PRPSAP1: variants seen among roughly 807,000 people sequenced by gnomAD.
PRPSAP1 encodes the protein phosphoribosyl pyrophosphate synthetase associated protein 1.
In PRPSAP1, 31 loss-of-function variants were observed where a neutral mutation model predicts 39.4. The observed-to-expected ratio is 0.79, with a 90% CI of 0.59 to 1.06. The LOEUF is 1.06. PRPSAP1 is among the 50% of genes least tolerant of loss of function. The probability of loss-of-function intolerance (pLI) is 0.00; values close to 1 mark genes in which losing one functional copy is unlikely to be tolerated. For missense variants in PRPSAP1, 430 were observed against 511.6 expected (o/e 0.84, Z 1.54); for synonymous variants, 212 against 192.6 (o/e 1.10, Z -0.83).
At chr17:76,339,213 TG>T (rs1014503102) in intron 3 of PRPSAP1, among the ~76,000 whole-genome samples, 1 of 151,662 alleles carries the variant, frequency 6.6e-6, no homozygotes, top group African/African-American at 2.4e-5. Context: ...GAGACCATTC[TG>T]GTCAACACTG....
At chr17:76,316,189 A>G (rs931706097) in intron 7 of PRPSAP1, among the ~76,000 whole-genome samples, 45 of 146,514 alleles carry the variant, frequency 3.1e-4, no homozygotes, top group Non-Finnish European at 1.2e-4. Context: ...AAAAAAAAAA[A>G]AAGAAAAAAA....
chr17:76,345,416 G>A (rs1044717761), intron 2 of PRPSAP1, among the ~76,000 whole-genome samples: 22 of 151,708 alleles, frequency 1.5e-4, no homozygotes, highest in Non-Finnish European at 2.2e-4. Flanking sequence ...GCAGTGAGCC[G>A]TGATCGCGCC....
rs1209408761 is a variant in PRPSAP1, at chr17:76,330,650, G to A, written c.480C>T (p.Ile160=). Residue 160 remains isoleucine, a synonymous_variant, in exon 5 of 10, where the codon ATC becomes ATT. Transcript: ENST00000446526. ...TTTCCTTTTGATGAAGATCCATAGT[G>A]ATAATGTGAGTTAAACCTGAAATTT... ...MLAKAGLTHI[I]TMDLHQKEIQ... is the part of the protein sequence containing the mutation. 2 of 1,609,296 alleles carry A rather than the reference G, an allele frequency of 1.2e-6. No individual in the cohort carries two copies. Among genetic ancestry groups the A allele is most frequent in the East Asian group, 4.5e-5 (2 of 44,770 alleles).
chr17:76,321,511 T>TCA lies in PRPSAP1; in HGVS notation c.781+7204_781+7205dup, dbSNP rs149355754. Among the ~76,000 whole-genome samples, 198 of 150,628 alleles carry TCA rather than the reference T, an allele frequency of 1.3e-3. 1 individual carries two copies. The highest frequency in any genetic ancestry group is 6.9e-3 in the Middle Eastern group (2 of 288). On this transcript the variant is annotated intron_variant, in intron 7 of 9. Coordinates refer to ENST00000446526, the MANE Select transcript of PRPSAP1 (RefSeq NM_002766.3). ...AGCCGAGAGCCAGAGTGAAACTCTGTCACACACACACACACGCACAAAAAA... is the reference window on the plus strand; with the variant it reads ...AGCCGAGAGCCAGAGTGAAACTCTGTCACACACACACACACACGCACAAAAAA...
chr17:76,352,417 G>A (rs1479939879), intron 1 of PRPSAP1, among the ~76,000 whole-genome samples: 9 of 151,966 alleles, frequency 5.9e-5, no homozygotes, highest in Non-Finnish European at 1.2e-4. Flanking sequence ...AGGCCGAGGC[G>A]GGCGGATCAC....
intron 7 of PRPSAP1, among the ~76,000 whole-genome samples, chr17:76,315,551 T>C (rs1217261264): frequency 6.6e-6 from 1 of 151,958 alleles, no homozygotes; most frequent in Non-Finnish European, 1.5e-5. Context: ...AGACAACTTC[T>C]TGAATTTGGG....
Position 76,310,687 on chromosome 17 carries a change from T to G in PRPSAP1, c.*855A>C, listed in dbSNP as rs1439460451. ...TTTCGCCATGTTTCCCAGGCTGGTCTGAAACTCCTGGGCTCAAGCAATCCT... is the reference window on the plus strand; with the variant it reads ...TTTCGCCATGTTTCCCAGGCTGGTCGGAAACTCCTGGGCTCAAGCAATCCT... On this transcript the variant is annotated 3_prime_UTR_variant, in exon 10 of 10. Transcript: ENST00000446526. The G allele has an allele frequency of 6.6e-6, 1 of 151,994 alleles. No homozygotes were observed. Among genetic ancestry groups the G allele is most frequent in the African/African-American group, 2.4e-5 (1 of 41,370 alleles). 9.4% of individuals were successfully genotyped at this position (151,994 alleles called of 1,614,324 possible).
intron 3 of PRPSAP1, 113 bp from the exon 4 acceptor site, chr17:76,332,548 A>G: frequency 8.3e-7 from 1 of 1,209,320 alleles, no homozygotes; most frequent in Admixed American, 2.3e-5. Flanking sequence ...TGGGAATTTT[A>G]CCATCACACT....
chr17:76,350,771 G>A (rs958674234), intron 1 of PRPSAP1, among the ~76,000 whole-genome samples: 1 of 152,220 alleles, frequency 6.6e-6, no homozygotes, highest in Non-Finnish European at 1.5e-5. Context: ...AGTGGCTCAT[G>A]CCTGTAAAGG....
chr17:76,354,157 A>T, upstream of PRPSAP1: 1 of 992,354 alleles, frequency 1.0e-6, no homozygotes, highest in Non-Finnish European at 1.2e-6. Flanking sequence ...TTTGGCCAGG[A>T]CCCAACATGT....
At position 76,328,831 on chromosome 17, in the gene PRPSAP1, C is replaced by A; in HGVS notation, c.667G>T (p.Gly223Cys). The A allele has an allele frequency of 6.2e-7, 1 of 1,614,092 alleles. No individual in the cohort carries two copies. Among genetic ancestry groups the A allele is most frequent in the Non-Finnish European group, 8.5e-7 (1 of 1,180,026 alleles). ...AQSYAERLRLGLAVIHGEAQC... is the reference protein window; with the variant it reads ...AQSYAERLRLCLAVIHGEAQC... ...GCTTCCCCGTGAATGACGGCCAAAC[C>A]CAGACGCAGTCTCTCCGCATAGGAC... The change falls in exon 7 of 10, where the codon GGT becomes TGT. Residue 223 changes from glycine to cysteine, a missense_variant. Transcript: ENST00000446526.
At chr17:76,321,178 C>T (rs560109673) in intron 7 of PRPSAP1, among the ~76,000 whole-genome samples, 9 of 152,046 alleles carry the variant, frequency 5.9e-5, no homozygotes, top group Non-Finnish European at 8.8e-5. Context: ...ATTATTGTTA[C>T]GTCTTTTCTG....
chr17:76,330,159 T>G, intron 5 of PRPSAP1, 61 bp from the exon 6 acceptor site: 1 of 1,452,128 alleles, frequency 6.9e-7, no homozygotes, highest in Admixed American at 1.7e-5. Flanking sequence ...ACCTGGATGC[T>G]GGTATTCAAG....
chr17:76,326,486 C>T (rs930491242), intron 7 of PRPSAP1, among the ~76,000 whole-genome samples: 5 of 152,084 alleles, frequency 3.3e-5, no homozygotes, highest in Admixed American at 2.0e-4. Context: ...AGTAATGGGA[C>T]ACATCATGTG....
At chr17:76,320,523 C>G (rs1188796189) in intron 7 of PRPSAP1, among the ~76,000 whole-genome samples, 1 of 140,648 alleles carries the variant, frequency 7.1e-6, no homozygotes, top group East Asian at 2.1e-4. Context: ...CTCCCAGGTT[C>G]AAGTGATTTT....
intron 7 of PRPSAP1, among the ~76,000 whole-genome samples, chr17:76,323,373 T>C (rs1190136698): frequency 1.3e-5 from 2 of 150,376 alleles, no homozygotes; most frequent in African/African-American, 4.9e-5. Flanking sequence ...TTTATAAGAC[T>C]ATAGATGCCA....
rs778079453 is a variant in PRPSAP1 at position 76,319,129 on chromosome 17, G to A, written c.782-5238C>T. Among the ~76,000 whole-genome samples the A allele has an allele frequency of 1.0e-3, 153 of 151,960 alleles. 2 individuals are homozygous for A. Among genetic ancestry groups the A allele is most frequent in the Middle Eastern group, 3.4e-3 (1 of 294 alleles). ...TAATTTTTGTATTTTTAGTAGAGAC[G>A]GGGTTTCACCATGTTTGTCAGGCTG... On this transcript the variant is annotated intron_variant, in intron 7 of 9. Transcript: ENST00000446526.
chr17:76,351,332 C>T (rs2071567798), intron 1 of PRPSAP1, among the ~76,000 whole-genome samples: 2 of 152,000 alleles, frequency 1.3e-5, no homozygotes, highest in South Asian at 4.1e-4. Flanking sequence ...CTGGCTAACA[C>T]AGTGAAACCC....
At chr17:76,353,276 C>T in intron 1 of PRPSAP1, 1 of 469,004 alleles carries the variant, frequency 2.1e-6, no homozygotes, top group South Asian at 3.1e-5. Flanking sequence ...ACTGCGGAGA[C>T]GAAAGGCAGG....
Sources: allele counts gnomAD v4.1 joint callset (sites outside exome capture counted in the v4.1 genomes callset), GRCh38; gene constraint gnomAD v4.1.1; transcripts MANE v1.5; gene names NCBI Gene and HGNC (gene_info 2026-07-23, HGNC 2026-07-21).